The following UBE2R2 variants were observed in gnomAD, a reference collection of about 807,000 sequenced individuals.
The protein encoded by UBE2R2 is ubiquitin-conjugating enzyme E2 R2.
A neutral mutation model predicts 27.8 loss-of-function variants in UBE2R2; 1 was observed. The ratio of observed to expected loss-of-function variants is 0.04; its 90% CI spans 0.01 to 0.17. UBE2R2 has a LOEUF of 0.17. Ranked by LOEUF, UBE2R2 falls within the 10% of genes least tolerant of loss-of-function variation. The probability of loss-of-function intolerance (pLI) is 1.00; values close to 1 mark genes in which losing one functional copy is unlikely to be tolerated. For missense variants in UBE2R2, 100 were observed against 291.0 expected, an observed-to-expected ratio of 0.34 and a Z score of 4.78; for synonymous variants, 106 against 113.3, an observed-to-expected ratio of 0.94 and a Z score of 0.41.
intron 1 of UBE2R2, among the ~76,000 whole-genome samples, chr9:33,842,764 A>G (rs1419999272): frequency 6.6e-6 from 1 of 151,836 alleles, no homozygotes; most frequent in East Asian, 1.9e-4. Context: ...TTCCAATTAA[A>G]GAGTACGTGG....
intron 1 of UBE2R2, chr9:33,818,546 AAAAAAAG>A (rs1563977679): frequency 1.4e-5 from 2 of 145,410 alleles, no homozygotes; most frequent in South Asian, 2.3e-4. Context: ...AAAAAAAAAA[AAAAAAAG>A]GGTGCCCGCG....
At chr9:33,899,256 G>A (rs1394715397) in intron 2 of UBE2R2, among the ~76,000 whole-genome samples, 2 of 152,122 alleles carry the variant, frequency 1.3e-5, no homozygotes, top group South Asian at 2.1e-4. Flanking sequence ...TGCCCAGGCC[G>A]GAGCACTATC....
intron 1 of UBE2R2, among the ~76,000 whole-genome samples, chr9:33,836,348 A>G (rs7468236): frequency 0.21 from 31,506 of 152,238 alleles, 3,965 homozygotes; most frequent in East Asian, 0.59. Context: ...TGTTCACACA[A>G]TGATGAAATT....
intron 4 of UBE2R2, among the ~76,000 whole-genome samples, chr9:33,914,690 T>C (rs1453824662): frequency 6.6e-6 from 1 of 151,982 alleles, no homozygotes; most frequent in African/African-American, 2.4e-5. Flanking sequence ...TAGTTGGGCA[T>C]AGTGGCACAC....
At chr9:33,830,740 C>T (rs1820453133) in intron 1 of UBE2R2, among the ~76,000 whole-genome samples, 1 of 150,130 alleles carries the variant, frequency 6.7e-6, no homozygotes, top group Non-Finnish European at 1.5e-5. Flanking sequence ...GCAATCCAGC[C>T]TGGGGGACAC....
At chr9:33,913,192 C>T (rs867365018) in intron 4 of UBE2R2, among the ~76,000 whole-genome samples, 13 of 152,130 alleles carry the variant, frequency 8.5e-5, no homozygotes, top group African/African-American at 2.7e-4. Context: ...AACTCCTGAC[C>T]TCATGATCCA....
chr9:33,914,713 A>C (rs1022770336), intron 4 of UBE2R2, among the ~76,000 whole-genome samples: 10 of 152,094 alleles, frequency 6.6e-5, no homozygotes, highest in African/African-American at 2.2e-4. Flanking sequence ...CTGTAATCCC[A>C]GCTACTCGGG....
intron 3 of UBE2R2, among the ~76,000 whole-genome samples, chr9:33,900,921 G>A (rs967894630): frequency 1.3e-5 from 2 of 151,758 alleles, no homozygotes; most frequent in Admixed American, 1.3e-4. Flanking sequence ...CTCTCTCTCT[G>A]TCTCTGTCTC....
chr9:33,912,898 T>C (rs988319680), intron 4 of UBE2R2, among the ~76,000 whole-genome samples: 9 of 152,188 alleles, frequency 5.9e-5, no homozygotes, highest in East Asian at 1.9e-4. Context: ...CCCAAGAAAT[T>C]TGCAATAAAT....
At chr9:33,911,874 G>A in intron 3 of UBE2R2, 90 bp from the exon 4 acceptor site, 2 of 1,251,882 alleles carry the variant, frequency 1.6e-6, no homozygotes, top group Non-Finnish European at 2.1e-6. Context: ...GGGAGAATTT[G>A]AAATCTGATT....
chr9:33,827,649 AAATT>A (rs1000150032), intron 1 of UBE2R2, among the ~76,000 whole-genome samples: 8 of 151,838 alleles, frequency 5.3e-5, no homozygotes, highest in Non-Finnish European at 7.4e-5. Context: ...CTAAAAAAAA[AAATT>A]AATTAATTAA....
At chr9:33,910,414 T>G (rs544902889) in intron 3 of UBE2R2, among the ~76,000 whole-genome samples, 5 of 152,206 alleles carry the variant, frequency 3.3e-5, no homozygotes, top group African/African-American at 1.2e-4. Flanking sequence ...CCCAAAGTGC[T>G]GGGATTACAG....
At chr9:33,830,641 G>A (rs912129628) in intron 1 of UBE2R2, among the ~76,000 whole-genome samples, 20 of 151,408 alleles carry the variant, frequency 1.3e-4, no homozygotes, top group African/African-American at 4.4e-4. Flanking sequence ...GGTGTTGTGC[G>A]CCTCTCATCC....
rs3832626 is a variant in UBE2R2 at position 33,917,350 on chromosome 9, AAC to A, written c.*121_*122del. On this transcript the variant is annotated 3_prime_UTR_variant, in exon 5 of 5. Coordinates refer to ENST00000263228, the MANE Select transcript of UBE2R2 (RefSeq NM_017811.4). Reference sequence around the variant, plus strand: ...AAAACCTATTCACAGCGGGTGGGGAAACACACACAGCTCCTGCTGACTCCCCT... The same window carrying A: ...AAAACCTATTCACAGCGGGTGGGGAAACACACAGCTCCTGCTGACTCCCCT... 0.095 allele frequency: 141,839 copies of A among 1,495,642 alleles called. 8,141 individuals carry two copies. Among genetic ancestry groups the A allele is most frequent in the Non-Finnish European group, 0.11 (119,810 of 1,113,726 alleles). The allele number at this position is 1,495,642 out of a possible 1,614,324, so 92.6% of individuals were successfully genotyped here. A position where few individuals can be genotyped will look rare whatever the true frequency, so the allele number is the denominator to read the frequency against.
At chr9:33,859,439 C>G (rs1821175232) in intron 1 of UBE2R2, among the ~76,000 whole-genome samples, 1 of 152,000 alleles carries the variant, frequency 6.6e-6, no homozygotes, top group Non-Finnish European at 1.5e-5. Flanking sequence ...TGAGAATATC[C>G]CTGTTTTAAC....
At chr9:33,851,099 C>G (rs887774728) in intron 1 of UBE2R2, among the ~76,000 whole-genome samples, 9 of 152,344 alleles carry the variant, frequency 5.9e-5, no homozygotes, top group African/African-American at 2.2e-4. Flanking sequence ...CTATTCCCCT[C>G]TGAATCCTTA....
intron 3 of UBE2R2, among the ~76,000 whole-genome samples, chr9:33,909,153 T>C (rs1366170270): frequency 6.6e-6 from 1 of 152,146 alleles, no homozygotes; most frequent in Non-Finnish European, 1.5e-5. Flanking sequence ...GTCGTCGTCA[T>C]TGAAAGTTAT....
At chr9:33,857,819 T>G (rs1811252169) in intron 1 of UBE2R2, among the ~76,000 whole-genome samples, 1 of 152,230 alleles carries the variant, frequency 6.6e-6, no homozygotes, top group African/African-American at 2.4e-5. Flanking sequence ...ATGTGAACTG[T>G]TTTGCCTATA....
At chr9:33,870,534 G>C (rs1025138595) in intron 1 of UBE2R2, among the ~76,000 whole-genome samples, 9 of 152,170 alleles carry the variant, frequency 5.9e-5, no homozygotes, top group Admixed American at 3.9e-4. Flanking sequence ...GATCTTGGGA[G>C]GAGCCAAGAA....
Sources: allele counts gnomAD v4.1 joint callset (sites outside exome capture counted in the v4.1 genomes callset), GRCh38; gene constraint gnomAD v4.1.1; transcripts MANE v1.5; gene names NCBI Gene and HGNC (gene_info 2026-07-23, HGNC 2026-07-21).